PGAP1: variants seen among roughly 807,000 people sequenced by gnomAD.
PGAP1 encodes the protein GPI inositol-deacylase.
PGAP1 carries 76 observed loss-of-function variants against 127.0 expected under a neutral mutation model. The observed-to-expected ratio is 0.60, with a 90% CI of 0.50 to 0.72. PGAP1 has a LOEUF of 0.72. Among genes scored for constraint, PGAP1 ranks in the 30% least tolerant of loss-of-function variants. The pLI, the probability that PGAP1 is intolerant of heterozygous loss-of-function variation, is 0.00. For synonymous variants in PGAP1, 362 were observed against 366.5 expected, an observed-to-expected ratio of 0.99 and a Z score of 0.14; for missense variants, 982 against 1,071.3, an observed-to-expected ratio of 0.92 and a Z score of 1.16.
intron 18 of PGAP1, 70 bp downstream of exon 18, chr2:196,872,371 T>C: frequency 1.9e-6 from 2 of 1,063,872 alleles, no homozygotes; most frequent in Admixed American, 4.2e-5. Flanking sequence ...TATCTGAAGC[T>C]TATATAAAAA....
At chr2:196,922,664 C>A in intron 1 of PGAP1, 4 of 244,286 alleles carry the variant, frequency 1.6e-5, no homozygotes, top group Non-Finnish European at 2.5e-5. Flanking sequence ...TCTAATTATT[C>A]TTACCTACTT....
chr2:196,922,029 C>T (rs549533185), intron 1 of PGAP1: 5 of 580,530 alleles, frequency 8.6e-6, no homozygotes, highest in South Asian at 7.2e-5. Flanking sequence ...AGGAGCAGGA[C>T]TCCAATATAA....
rs764137985 is a variant in PGAP1, at chr2:196,843,923, G to A, written c.2490C>T (p.Ser830=). 1 of 1,542,874 alleles carries A rather than the reference G, an allele frequency of 6.5e-7. No individual in the cohort carries two copies. Among genetic ancestry groups the A allele is most frequent in the South Asian group, 1.3e-5 (1 of 78,018 alleles). The change falls in exon 25 of 27, where the codon AGC becomes AGT. Residue 830 remains serine (S), a synonymous_variant. Coordinates refer to ENST00000354764, the MANE Select transcript of PGAP1 (RefSeq NM_024989.4). Reference sequence around the variant, plus strand: ...TTAGCCAATAAATTAGAGAAGGCATGCTGAGTAATACAATCCATGTTAGTA... The same window carrying A: ...TTAGCCAATAAATTAGAGAAGGCATACTGAGTAATACAATCCATGTTAGTA... ...INLLTWIVLL[S]MPSLIYWLKN...
chr2:196,900,694 G>A (rs1351856375), intron 5 of PGAP1, among the ~76,000 whole-genome samples: 1 of 152,152 alleles, frequency 6.6e-6, no homozygotes, highest in East Asian at 1.9e-4. Flanking sequence ...GGGAGGCCAA[G>A]GCAGGTGAAC....
chr2:196,858,986 C>T (rs1187799034), intron 20 of PGAP1, among the ~76,000 whole-genome samples: 3 of 152,122 alleles, frequency 2.0e-5, no homozygotes, highest in African/African-American at 7.2e-5. Context: ...ATCCAGCCTA[C>T]CAAGGTTGAA....
chr2:196,861,359 C>G (rs1701058614), intron 20 of PGAP1, among the ~76,000 whole-genome samples: 1 of 152,040 alleles, frequency 6.6e-6, no homozygotes, highest in Non-Finnish European at 1.5e-5. Flanking sequence ...ACAGCAAAGG[C>G]AACAAACAAC....
chr2:196,904,107 AT>A (rs978564888), intron 4 of PGAP1, among the ~76,000 whole-genome samples: 2 of 152,194 alleles, frequency 1.3e-5, no homozygotes, highest in African/African-American at 4.8e-5. Flanking sequence ...AATCAAATAT[AT>A]TTTTTTCTGC....
At position 196,892,416 on chromosome 2, in the gene PGAP1, A is replaced by T; in HGVS notation, c.1034-15T>A. The T allele has an allele frequency of 7.8e-7, 1 of 1,282,714 alleles. No individual in the cohort carries two copies. Among genetic ancestry groups the T allele is most frequent in the Non-Finnish European group, 1.1e-6 (1 of 912,226 alleles). 79.5% of individuals were successfully genotyped at this position (1,282,714 alleles called of 1,614,324 possible). On this transcript the variant is annotated splice_polypyrimidine_tract_variant and intron_variant, in intron 8 of 26. Transcript: ENST00000354764. ...CATAGATGTCCCTGAAGGTAAAGGA[A>T]ATTAATTTATTTGCCTTGTTTTGTT...
chr2:196,856,861 C>T (rs1700900135), intron 20 of PGAP1, among the ~76,000 whole-genome samples: 1 of 152,180 alleles, frequency 6.6e-6, no homozygotes, highest in Non-Finnish European at 1.5e-5. Context: ...GCAAACTGAT[C>T]ATTTTACTTT....
intron 2 of PGAP1, among the ~76,000 whole-genome samples, chr2:196,919,724 G>A (rs1292682491): frequency 6.6e-6 from 1 of 152,084 alleles, no homozygotes; most frequent in Non-Finnish European, 1.5e-5. Flanking sequence ...GATTCCCCAA[G>A]GGGTTCCCCT....
rs12104726 is a variant in PGAP1 at position 196,840,889 on chromosome 2, C to T, written c.*345G>A. 0.25 allele frequency: 45,493 copies of T among 179,316 alleles called. 6,960 individuals are homozygous for T. Among genetic ancestry groups the T allele is most frequent in the African/African-American group, 0.45 (19,168 of 42,554 alleles). The allele number at this position is 179,316 out of a possible 1,614,324, so 11.1% of individuals were successfully genotyped here. ...AATGAGCAGAATGCTTGCAGTGAGA[C>T]TGCAAATAATGCTGCATCTACTAAA... On this transcript the variant is annotated 3_prime_UTR_variant, in exon 27 of 27. Coordinates refer to ENST00000354764, the MANE Select transcript of PGAP1 (RefSeq NM_024989.4).
chr2:196,870,017 GTTATC>G (rs1335481272), intron 19 of PGAP1, among the ~76,000 whole-genome samples: 3 of 152,214 alleles, frequency 2.0e-5, no homozygotes, highest in African/African-American at 4.8e-5. Context: ...CTAATCAATT[GTTATC>G]TTATTTATGT....
chr2:196,893,191 G>A lies in PGAP1; in HGVS notation c.982C>T (p.His328Tyr). ...TTTTCCTCAAAATGTTTTGATGGGT[G>A]TCTTATAAAGTGGTGATACAAAACT... Reference protein sequence around the residue: ...LSVLYHHFIRHPSKHFEENPA... With the variant: ...LSVLYHHFIRYPSKHFEENPA... Residue 328 changes from histidine to tyrosine, a missense_variant, in exon 8 of 27, where the codon CAC (histidine) becomes TAC (tyrosine). Transcript: ENST00000354764. The A allele has an allele frequency of 6.2e-7, 1 of 1,600,850 alleles. No individual in the cohort carries two copies. Among genetic ancestry groups the A allele is most frequent in the Non-Finnish European group, 8.5e-7 (1 of 1,171,830 alleles).
rs1000433284 is a variant in PGAP1 at position 196,836,243 on chromosome 2, A to G, written c.*4991T>C. Reference sequence around the variant, plus strand: ...TTTCAAAACACAGATTGTTTTTGGCAGCATAACATGCCAAACACTTTCAGA... The same window carrying G: ...TTTCAAAACACAGATTGTTTTTGGCGGCATAACATGCCAAACACTTTCAGA... On this transcript the variant is annotated 3_prime_UTR_variant, in exon 27 of 27. Transcript: ENST00000354764. 9 of 152,538 alleles carry G rather than the reference A, an allele frequency of 5.9e-5. No individual in the cohort carries two copies. Among genetic ancestry groups the G allele is most frequent in the African/African-American group, 2.2e-4 (9 of 41,458 alleles). The allele number at this position is 152,538 out of a possible 1,614,324, so 9.4% of individuals were successfully genotyped here.
chr2:196,841,312 A>C lies in PGAP1; in HGVS notation c.2691T>G (p.Phe897Leu). The C allele has an allele frequency of 6.2e-7, 1 of 1,613,868 alleles. No individual in the cohort carries two copies. Among genetic ancestry groups the C allele is most frequent in the Non-Finnish European group, 8.5e-7 (1 of 1,179,780 alleles). The stretch of plus-strand genomic sequence containing the variant: ...GAAGCCTATATAAATGTGCTGACCC[A>C]AAAGCAATCACACCAACAGCCAGAG... The part of the protein sequence containing the change: ...PLPLAVGVIA[F>L]GSAHLYRLPC... Residue 897 changes from phenylalanine (F) to leucine (L), a missense_variant, in exon 27 of 27, where the codon TTT (phenylalanine) becomes TTG (leucine). By Grantham distance (22) the Phe-to-Leu change is conservative (BLOSUM62 0). Transcript: ENST00000354764.
At position 196,847,135 on chromosome 2, in the gene PGAP1, G is replaced by A. The variant is rs773607126; in HGVS notation, c.2018C>T (p.Thr673Ile). Residue 673 changes from threonine to isoleucine, a missense_variant, in exon 22 of 27, where the codon ACT (threonine) becomes ATT (isoleucine). By Grantham distance (89) the Thr-to-Ile change is moderately conservative. Transcript: ENST00000354764. ...CAGGGGGAAACACATACTCTGACAA[G>A]TTAAAATGACGGCATCTAATTCTGG... ...LLPELDAVIL[T>I]CQSMCFPLIS... is the part of the protein sequence containing the mutation. The A allele has an allele frequency of 2.0e-5, 32 of 1,613,030 alleles. No individual in the cohort carries two copies. Among genetic ancestry groups the A allele is most frequent in the Middle Eastern group, 1.6e-4 (1 of 6,080 alleles).
intron 20 of PGAP1, among the ~76,000 whole-genome samples, chr2:196,864,582 T>TC (rs1479040024): frequency 1.3e-5 from 2 of 152,030 alleles, no homozygotes; most frequent in African/African-American, 4.8e-5. Flanking sequence ...CTGGTTAGAC[T>TC]CAAAGTTATT....
chr2:196,926,699 C>G lies in PGAP1; in HGVS notation c.-83G>C. 1 of 1,578,314 alleles carries G rather than the reference C, an allele frequency of 6.3e-7. No homozygotes were observed. The highest frequency in any genetic ancestry group is 8.6e-7 in the Non-Finnish European group (1 of 1,160,552). ...GGGCCCCAAGCCCGGACTGAGCGTGCTAGACACTGTCCGACCGCCACCCCC... is the reference window on the plus strand; with the variant it reads ...GGGCCCCAAGCCCGGACTGAGCGTGGTAGACACTGTCCGACCGCCACCCCC... On this transcript the variant is annotated 5_prime_UTR_variant, in exon 1 of 27. Coordinates refer to ENST00000354764, the MANE Select transcript of PGAP1 (RefSeq NM_024989.4).
intron 20 of PGAP1, among the ~76,000 whole-genome samples, chr2:196,859,028 C>T (rs1194264201): frequency 1.3e-5 from 2 of 151,942 alleles, no homozygotes; most frequent in Non-Finnish European, 2.9e-5. Flanking sequence ...CCTGAACAGA[C>T]CAATAACAAA....
Sources: gnomAD v4.1 joint callset for allele counts (sites outside exome capture counted in the v4.1 genomes callset) on GRCh38, gnomAD v4.1.1 for gene constraint, MANE v1.5 for transcripts, NCBI Gene and HGNC (gene_info 2026-07-23, HGNC 2026-07-21) for gene names.